Variants in ANAPC16 observed in about 807,000 individuals in gnomAD.
ANAPC16 encodes the protein anaphase-promoting complex subunit 16.
Under a neutral mutation model 13.1 loss-of-function variants are expected in ANAPC16, and 6 were observed. The ratio of observed to expected loss-of-function variants is 0.46; its 90% CI spans 0.25 to 0.90. The LOEUF (loss-of-function observed/expected upper bound fraction) is 0.90. ANAPC16 is among the 40% of genes least tolerant of loss of function. The pLI, the probability that ANAPC16 is intolerant of heterozygous loss-of-function variation, is 0.18. For synonymous variants in ANAPC16, 55 were observed against 51.3 expected (o/e 1.07, Z -0.31); for missense variants, 113 against 131.1 (o/e 0.86, Z 0.67).
At position 72,233,737 on chromosome 10, in the gene ANAPC16, G is replaced by T. The variant is rs1564796336; in HGVS notation, c.*621G>T. On this transcript the variant is annotated 3_prime_UTR_variant, in exon 4 of 4. Coordinates refer to ENST00000299381, the MANE Select transcript of ANAPC16 (RefSeq NM_173473.4). ...AGCACTTGTAAAAATAAAGCAGTAAGCAAAATCCTTTTAAACACAGAAATC... is the reference window on the plus strand; with the variant it reads ...AGCACTTGTAAAAATAAAGCAGTAATCAAAATCCTTTTAAACACAGAAATC... 1 of 152,524 alleles carries T rather than the reference G, an allele frequency of 6.6e-6. No homozygotes were observed. Among genetic ancestry groups the T allele is most frequent in the Non-Finnish European group, 1.5e-5 (1 of 68,024 alleles). The allele number at this position is 152,524 out of a possible 1,614,324, so 9.4% of individuals were successfully genotyped here.
At chr10:72,230,551 A>G (rs903972906) in intron 3 of ANAPC16, 111 bp downstream of exon 3, 2 of 868,600 alleles carry the variant, frequency 2.3e-6, no homozygotes, top group African/African-American at 3.4e-5. Context: ...TGGACTTCCT[A>G]AATTAAAGAA....
intron 2 of ANAPC16, among the ~76,000 whole-genome samples, chr10:72,229,832 C>G (rs1860240642): frequency 6.6e-6 from 1 of 152,172 alleles, no homozygotes; most frequent in Non-Finnish European, 1.5e-5. Context: ...GTTGGAAAAT[C>G]AAGGTTACAG....
intron 1 of ANAPC16, chr10:72,217,118 G>A: frequency 2.2e-6 from 1 of 450,800 alleles, no homozygotes; most frequent in South Asian, 1.6e-5. Context: ...TCTGTGCTCG[G>A]CATTGAGGGT....
At chr10:72,221,792 C>T (rs555534522) in intron 1 of ANAPC16, among the ~76,000 whole-genome samples, 22 of 145,568 alleles carry the variant, frequency 1.5e-4, no homozygotes, top group African/African-American at 4.8e-4. Context: ...TGCAATGGTG[C>T]AGTCTTGGCT....
rs1008811199 is a variant in ANAPC16 at position 72,230,291 on chromosome 10, G to A, written c.143-75G>A. The stretch of plus-strand genomic sequence containing the variant: ...GAATGTACAAGCAGGGAAAAGAATA[G>A]ACAAGTTTACTTGGTTTATCAGAAG... On this transcript the variant is annotated intron_variant, in intron 2 of 3. Transcript: ENST00000299381. The A allele has an allele frequency of 5.2e-6, 6 of 1,149,128 alleles. No individual in the cohort carries two copies. In the African/African-American group the frequency reaches 6.1e-5, roughly 12 times the overall value. 71.2% of individuals were successfully genotyped at this position (1,149,128 alleles called of 1,614,324 possible).
intron 1 of ANAPC16, among the ~76,000 whole-genome samples, chr10:72,222,684 G>A (rs569611232): frequency 6.6e-6 from 1 of 152,348 alleles, no homozygotes; most frequent in South Asian, 2.1e-4. Context: ...GGCTGAGACA[G>A]GAGAATCGCT....
intron 1 of ANAPC16, among the ~76,000 whole-genome samples, chr10:72,221,071 C>T (rs1859912716): frequency 6.6e-6 from 1 of 152,120 alleles, no homozygotes; most frequent in Non-Finnish European, 1.5e-5. Context: ...CGCCTGCCAC[C>T]ACGCCCAGCT....
At chr10:72,225,832 C>T (rs1009200298) in intron 2 of ANAPC16, among the ~76,000 whole-genome samples, 2 of 149,260 alleles carry the variant, frequency 1.3e-5, no homozygotes, top group Non-Finnish European at 3.0e-5. Context: ...ATCTGGGAGG[C>T]AGAGGTTGCG....
chr10:72,231,813 C>T (rs1009376632), intron 3 of ANAPC16, among the ~76,000 whole-genome samples: 1 of 151,926 alleles, frequency 6.6e-6, no homozygotes, highest in Non-Finnish European at 1.5e-5. Flanking sequence ...CCTTGGCATC[C>T]CAAAGTGCTT....
In ANAPC16 at chr10:72,233,005, G is replaced by T. The variant is rs1435168689; in HGVS notation, c.222G>T (p.Gln74His). ...TCTTTCCTTGACTCCTTACAGATCA[G>T]CAAGTTGCTCGGATGGAAAAACTAG... Reference protein sequence around the residue: ...ASTLKQVKHDQQVARMEKLAG... With the variant: ...ASTLKQVKHDHQVARMEKLAG... The change falls in exon 4 of 4, where the codon CAG becomes CAT. Residue 74 changes from glutamine to histidine, a missense_variant. Coordinates refer to ENST00000299381, the MANE Select transcript of ANAPC16 (RefSeq NM_173473.4). 6.2e-7 allele frequency: 1 copy of T among 1,613,836 alleles called. No homozygotes were observed.
chr10:72,224,846 G>A (rs1860068973), intron 2 of ANAPC16, among the ~76,000 whole-genome samples: 1 of 152,184 alleles, frequency 6.6e-6, no homozygotes, highest in Non-Finnish European at 1.5e-5. Context: ...ACTGCAGCAT[G>A]ATGCCGTGTG....
At chr10:72,216,713 G>T (rs73276919) in intron 1 of ANAPC16, 20,914 of 413,670 alleles carry the variant, frequency 0.051, 1,807 homozygotes, top group African/African-American at 0.24. Context: ...GGTCATCCCT[G>T]CCGTACATGA....
At position 72,216,122 on chromosome 10, in the gene ANAPC16, G is replaced by A. The variant is rs1409955702; in HGVS notation, c.-44G>A. The A allele has an allele frequency of 6.6e-6, 1 of 152,668 alleles. No individual in the cohort carries two copies. Among genetic ancestry groups the A allele is most frequent in the Non-Finnish European group, 1.5e-5 (1 of 68,354 alleles). The allele number at this position is 152,668 out of a possible 1,614,324, so 9.5% of individuals were successfully genotyped here. A position where few individuals can be genotyped will look rare whatever the true frequency, so the allele number is the denominator to read the frequency against. On this transcript the variant is annotated 5_prime_UTR_variant, in exon 1 of 4. It adds an upstream start codon to the 5' untranslated region. Transcript: ENST00000299381. ...CCTGGGGGTGGGGCTGTAGGGGAAA[G>A]TGCTAAAGCCGCTGAGGTAAGAGGC...
At chr10:72,222,419 AATACATAC>A (rs78921602) in intron 1 of ANAPC16, among the ~76,000 whole-genome samples, 60,292 of 136,660 alleles carry the variant, frequency 0.44, 13,453 homozygotes, top group Non-Finnish European at 0.52. Context: ...TCCGTAAATA[AATACATAC>A]ATACATACCA....
At chr10:72,219,563 TC>T (rs1482252003) in intron 1 of ANAPC16, among the ~76,000 whole-genome samples, 1 of 152,016 alleles carries the variant, frequency 6.6e-6, no homozygotes, top group Non-Finnish European at 1.5e-5. Flanking sequence ...TAGTGAGACT[TC>T]CTCTCTACAA....
rs747734673 is a variant in ANAPC16, at chr10:72,223,878, TTC to T, written c.-27-6_-27-5del. The stretch of plus-strand genomic sequence containing the variant: ...TAAACTTGCCAATTGCTGTTTTTCT[TTC>T]TCTGTAGTGAAGTAAGAACTCTGCT... On this transcript the variant is annotated splice_region_variant and splice_polypyrimidine_tract_variant and intron_variant, in intron 1 of 3. Coordinates refer to ENST00000299381, the MANE Select transcript of ANAPC16 (RefSeq NM_173473.4). 4 of 1,496,186 alleles carry T rather than the reference TTC, an allele frequency of 2.7e-6. No individual in the cohort carries two copies. In the African/African-American group the frequency reaches 5.6e-5, roughly 21 times the overall value. The allele number at this position is 1,496,186 out of a possible 1,614,324, so 92.7% of individuals were successfully genotyped here.
At position 72,234,586 on chromosome 10, in the gene ANAPC16, C is replaced by G. The variant is rs1479139616; in HGVS notation, c.*1470C>G. On this transcript the variant is annotated 3_prime_UTR_variant, in exon 4 of 4. Coordinates refer to ENST00000299381, the MANE Select transcript of ANAPC16 (RefSeq NM_173473.4). Reference sequence around the variant, plus strand: ...AAATTTTGCCTTAGACAACATTTGTCTGGTTCCTTATTAATAACTTGCATC... The same window carrying G: ...AAATTTTGCCTTAGACAACATTTGTGTGGTTCCTTATTAATAACTTGCATC... The G allele has an allele frequency of 6.6e-6, 1 of 152,204 alleles. No homozygotes were observed. The highest frequency in any genetic ancestry group is 1.5e-5 in the Non-Finnish European group (1 of 68,046). 9.4% of individuals were successfully genotyped at this position (152,204 alleles called of 1,614,324 possible). A position where few individuals can be genotyped will look rare whatever the true frequency, so the allele number is the denominator to read the frequency against.
intron 2 of ANAPC16, among the ~76,000 whole-genome samples, chr10:72,229,692 G>A (rs1860236977): frequency 6.6e-6 from 1 of 152,164 alleles, no homozygotes; most frequent in African/African-American, 2.4e-5. Flanking sequence ...TATGTTTCAT[G>A]ATCATCTTCC....
chr10:72,218,223 G>A (rs1477812906), intron 1 of ANAPC16, among the ~76,000 whole-genome samples: 14 of 100,658 alleles, frequency 1.4e-4, no homozygotes, highest in African/African-American at 5.3e-4. Context: ...TATATATGCC[G>A]GAGGTTGCAA....
Sources: allele counts gnomAD v4.1 joint callset (sites outside exome capture counted in the v4.1 genomes callset), GRCh38; gene constraint gnomAD v4.1.1; transcripts MANE v1.5; gene names NCBI Gene and HGNC (gene_info 2026-07-23, HGNC 2026-07-21).